DAAM2: variants seen among roughly 807,000 people sequenced by gnomAD.
DAAM2 encodes the protein dishevelled associated activator of morphogenesis 2.
A neutral mutation model predicts 120.7 loss-of-function variants in DAAM2; 39 were observed. The observed-to-expected ratio is 0.32, with a 90% CI of 0.25 to 0.42. The LOEUF is 0.42. Ranked by LOEUF, DAAM2 falls within the 10% of genes least tolerant of loss-of-function variation. The pLI is 1.00. For missense variants in DAAM2, 1,283 were observed against 1,401.7 expected (o/e 0.92, Z 1.35); for synonymous variants, 488 against 524.9 (o/e 0.93, Z 0.96).
At position 39,870,459 on chromosome 6, in the gene DAAM2, C is replaced by A. The variant is rs367983386; in HGVS notation, c.977+16C>A. ...TCCTGGACAAGTAAGTTCCAAGCAC[C>A]CGTCTCCATTGCAAACCTGTGGGGA... On this transcript the variant is annotated intron_variant, in intron 8 of 24. Transcript: ENST00000274867. 4.0e-6 allele frequency: 6 copies of A among 1,504,246 alleles called. No homozygotes were observed. The African/African-American group carries it at 6.9e-5, about 17-fold the overall frequency. 93.2% of individuals were successfully genotyped at this position (1,504,246 alleles called of 1,614,324 possible). A position where few individuals can be genotyped will look rare whatever the true frequency, so the allele number is the denominator to read the frequency against.
intron 1 of DAAM2, among the ~76,000 whole-genome samples, chr6:39,842,302 C>G (rs1422949048): frequency 6.6e-6 from 1 of 152,170 alleles, no homozygotes; most frequent in Non-Finnish European, 1.5e-5. Flanking sequence ...CTCATGGACT[C>G]AGAGTCTAGA....
chr6:39,884,119 C>A, intron 15 of DAAM2, 50 bp downstream of exon 15: 1 of 970,196 alleles, frequency 1.0e-6, no homozygotes, highest in Non-Finnish European at 1.6e-6. Flanking sequence ...TGAATCCAAA[C>A]CTCAGCTTCT....
chr6:39,850,696 A>C (rs1763776489), intron 1 of DAAM2, among the ~76,000 whole-genome samples: 1 of 152,138 alleles, frequency 6.6e-6, no homozygotes, highest in African/African-American at 2.4e-5. Context: ...GTATCATTGT[A>C]GGGTTGGGGG....
chr6:39,830,404 C>T (rs546454778), intron 1 of DAAM2, among the ~76,000 whole-genome samples: 1 of 152,162 alleles, frequency 6.6e-6, no homozygotes, highest in South Asian at 2.1e-4. Flanking sequence ...CACGCACTCC[C>T]TCCCAGGGAG....
At chr6:39,843,593 C>T (rs1763439246) in intron 1 of DAAM2, among the ~76,000 whole-genome samples, 1 of 152,192 alleles carries the variant, frequency 6.6e-6, no homozygotes, top group African/African-American at 2.4e-5. Flanking sequence ...AAATGCAGGA[C>T]TCCTTGTTCA....
At chr6:39,858,196 C>A (rs920278549) in intron 2 of DAAM2, among the ~76,000 whole-genome samples, 3 of 152,148 alleles carry the variant, frequency 2.0e-5, no homozygotes, top group Non-Finnish European at 2.9e-5. Context: ...TTGGATTAAA[C>A]CCTAAGGGCA....
chr6:39,802,617 A>C (rs893715267), intron 1 of DAAM2, among the ~76,000 whole-genome samples: 7 of 152,154 alleles, frequency 4.6e-5, no homozygotes, highest in Admixed American at 4.6e-4. Flanking sequence ...TCTGGCACAG[A>C]GTTAGGTCTC....
In DAAM2 at chr6:39,900,269, C is replaced by G. The variant is rs1465285482; in HGVS notation, c.2811+61C>G. ...AGCCTTATCTAAACAAGCTCCTTCA[C>G]CCATTCCTACCACAGACAGCCCAGG... On this transcript the variant is annotated intron_variant, in intron 23 of 24. Transcript: ENST00000274867. 3 of 1,570,524 alleles carry G rather than the reference C, an allele frequency of 1.9e-6. No homozygotes were observed. The African/African-American group carries it at 4.1e-5, about 21-fold the overall frequency.
chr6:39,856,119 T>TGGGGG, intron 1 of DAAM2, 128 bp from the exon 2 acceptor site: 1 of 509,082 alleles, frequency 2.0e-6, no homozygotes, highest in Non-Finnish European at 2.8e-6. Flanking sequence ...GCGGGGTGGG[T>TGGGGG]GGGGCTTTGC....
At chr6:39,818,576 G>A (rs1324386805) in intron 1 of DAAM2, among the ~76,000 whole-genome samples, 1 of 152,186 alleles carries the variant, frequency 6.6e-6, no homozygotes, top group Non-Finnish European at 1.5e-5. Flanking sequence ...TTGTAGCATG[G>A]CCTGGCCTCC....
At chr6:39,833,316 T>A (rs904194395) in intron 1 of DAAM2, among the ~76,000 whole-genome samples, 1 of 152,104 alleles carries the variant, frequency 6.6e-6, no homozygotes, top group African/African-American at 2.4e-5. Flanking sequence ...TTCCTTCCCT[T>A]CCTTCCTGAT....
intron 19 of DAAM2, among the ~76,000 whole-genome samples, chr6:39,894,705 C>T (rs1425040619): frequency 2.0e-5 from 3 of 148,410 alleles, no homozygotes; most frequent in African/African-American, 7.9e-5. Flanking sequence ...ACTGCAACCT[C>T]TGCCTCCTGG....
intron 1 of DAAM2, among the ~76,000 whole-genome samples, chr6:39,813,669 G>A (rs1762230106): frequency 6.6e-6 from 1 of 152,136 alleles, no homozygotes; most frequent in Non-Finnish European, 1.5e-5. Flanking sequence ...CCATCACGGG[G>A]CACTGAAAAG....
intron 15 of DAAM2, 91 bp downstream of exon 15, chr6:39,884,160 C>T: frequency 1.4e-6 from 1 of 693,140 alleles, no homozygotes; most frequent in Non-Finnish European, 2.6e-6. Flanking sequence ...GCCTTCCTTT[C>T]CTTTCCTTTC....
intron 1 of DAAM2, among the ~76,000 whole-genome samples, chr6:39,848,369 C>T (rs960991953): frequency 2.0e-5 from 3 of 152,116 alleles, no homozygotes; most frequent in South Asian, 2.1e-4. Context: ...TGACCATGAC[C>T]TTGGAGAACT....
intron 2 of DAAM2, among the ~76,000 whole-genome samples, chr6:39,858,931 T>G (rs1227506990): frequency 6.6e-6 from 1 of 152,120 alleles, no homozygotes; most frequent in Non-Finnish European, 1.5e-5. Context: ...CAGGAGAGAC[T>G]GCTCAGGAGG....
At chr6:39,825,758 A>G (rs1762651530) in intron 1 of DAAM2, among the ~76,000 whole-genome samples, 2 of 152,186 alleles carry the variant, frequency 1.3e-5, no homozygotes, top group Admixed American at 6.5e-5. Context: ...TCCCAGGTGT[A>G]CAAGCCCTGC....
chr6:39,822,582 T>C (rs1762526834), intron 1 of DAAM2: 1 of 152,242 alleles, frequency 6.6e-6, no homozygotes, highest in African/African-American at 2.4e-5. Context: ...ATCACTCTGC[T>C]AAAGGCTTTG....
At chr6:39,825,541 C>T (rs2114158352) in intron 1 of DAAM2, among the ~76,000 whole-genome samples, 4 of 152,108 alleles carry the variant, frequency 2.6e-5, no homozygotes, top group Middle Eastern at 6.8e-3. Flanking sequence ...GGGGCACTTT[C>T]CTGAGCCTGG....
Sources: allele counts gnomAD v4.1 joint callset (sites outside exome capture counted in the v4.1 genomes callset), GRCh38; gene constraint gnomAD v4.1.1; transcripts MANE v1.5; gene names NCBI Gene and HGNC (gene_info 2026-07-23, HGNC 2026-07-21).